Variants in S100PBP observed in about 807,000 individuals in gnomAD.
The protein encoded by S100PBP is S100P-binding protein.
Under a neutral mutation model 39.9 loss-of-function variants are expected in S100PBP, and 15 were observed. That is an observed-to-expected ratio of 0.38 (90% CI 0.25 to 0.58). The LOEUF is 0.58. S100PBP is among the 20% of genes least tolerant of loss of function. The pLI is 0.70. For missense variants in S100PBP, 504 were observed against 487.3 expected (o/e 1.03, Z -0.32); for synonymous variants, 178 against 180.3 (o/e 0.99, Z 0.10).
At chr1:32,841,395 T>C (rs1640089179) in intron 5 of S100PBP, among the ~76,000 whole-genome samples, 1 of 151,998 alleles carries the variant, frequency 6.6e-6, no homozygotes, top group South Asian at 2.1e-4. Context: ...TTCTTGGTAG[T>C]CACTGGTTAT....
chr1:32,836,110 C>T (rs898497340), intron 5 of S100PBP: 4 of 150,598 alleles, frequency 2.7e-5, no homozygotes, highest in Non-Finnish European at 5.9e-5. Flanking sequence ...TTTCCCCATC[C>T]TTGCCAGCAC....
intron 1 of S100PBP, 198 bp downstream of exon 1, chr1:32,817,887 CGGCG>C (rs962715468): frequency 3.9e-5 from 6 of 153,732 alleles, no homozygotes; most frequent in African/African-American, 1.4e-4. Flanking sequence ...ACCTCCAAGT[CGGCG>C]GGCGACAGAT....
chr1:32,840,963 G>C (rs957991258), intron 5 of S100PBP, among the ~76,000 whole-genome samples: 6 of 151,482 alleles, frequency 4.0e-5, no homozygotes, highest in Non-Finnish European at 7.4e-5. Context: ...GATTGAGGCC[G>C]TCCTGGCTAA....
chr1:32,818,251 C>G (rs1638851606), intron 1 of S100PBP: 1 of 152,314 alleles, frequency 6.6e-6, no homozygotes, highest in Admixed American at 6.5e-5. Flanking sequence ...TCGCGGTGTC[C>G]CCGGGGGAGG....
chr1:32,817,981 A>G (rs1186689688), intron 1 of S100PBP: 2 of 152,444 alleles, frequency 1.3e-5, no homozygotes, highest in African/African-American at 4.8e-5. Context: ...TCCCCTGCCC[A>G]GTGGGGGTGG....
intron 5 of S100PBP, among the ~76,000 whole-genome samples, chr1:32,844,835 A>T (rs1177863171): frequency 4.6e-5 from 7 of 151,150 alleles, no homozygotes; most frequent in Admixed American, 4.6e-4. Flanking sequence ...CTATATATAT[A>T]TATCTTTTTT....
rs950518785 is a variant in S100PBP, at chr1:32,825,340, G to A, written c.-92G>A. The A allele has an allele frequency of 6.6e-6, 1 of 152,188 alleles. No individual in the cohort carries two copies. The highest frequency in any genetic ancestry group is 2.4e-5 in the African/African-American group (1 of 41,432). The allele number at this position is 152,188 out of a possible 1,614,324, so 9.4% of individuals were successfully genotyped here. On this transcript the variant is annotated 5_prime_UTR_variant, in exon 2 of 7. Coordinates refer to ENST00000373475, the MANE Select transcript of S100PBP (RefSeq NM_022753.4). The stretch of plus-strand genomic sequence containing the variant: ...AGGTGGGAGTCAATCATTTTGACAA[G>A]TCTCCTGAAAGGAACAGCTAGCAGG...
upstream of S100PBP, chr1:32,817,606 G>C (rs1316995229): frequency 2.6e-6 from 1 of 389,474 alleles, no homozygotes; most frequent in Non-Finnish European, 4.8e-6. Flanking sequence ...CGGGGTAGGG[G>C]AGGTCGGGGA....
chr1:32,853,832 G>A (rs1392985730), intron 6 of S100PBP, among the ~76,000 whole-genome samples: 2 of 152,160 alleles, frequency 1.3e-5, no homozygotes, highest in African/African-American at 4.8e-5. Context: ...GCTTGAGGCT[G>A]TGATGAGCAA....
intron 5 of S100PBP, chr1:32,843,168 G>C (rs1318316844): frequency 1.3e-5 from 2 of 152,104 alleles, no homozygotes; most frequent in Non-Finnish European, 2.9e-5. Context: ...CTTTTTAATA[G>C]ATTTCATCAG....
intron 5 of S100PBP, among the ~76,000 whole-genome samples, chr1:32,838,157 C>T (rs535844985): frequency 4.4e-4 from 67 of 151,560 alleles, no homozygotes; most frequent in Non-Finnish European, 7.4e-4. Flanking sequence ...CTGGCTAACA[C>T]GGTGAAACTC....
intron 5 of S100PBP, among the ~76,000 whole-genome samples, chr1:32,830,655 G>A (rs763293134): frequency 9.2e-5 from 14 of 152,170 alleles, no homozygotes; most frequent in Non-Finnish European, 5.9e-5. Flanking sequence ...CTGAACTATT[G>A]GCTGATGGGA....
At chr1:32,838,350 A>AG (rs1477149703) in intron 5 of S100PBP, among the ~76,000 whole-genome samples, 5 of 150,650 alleles carry the variant, frequency 3.3e-5, no homozygotes, top group Non-Finnish European at 7.4e-5. Flanking sequence ...AAAAAAAAAA[A>AG]AAAGAAAAGA....
chr1:32,817,685 C>T lies in S100PBP; in HGVS notation c.-124C>T, dbSNP rs1483819380. ...TTCGCCCAGGCTTTGGCCCGGCTTC[C>T]GGAGGTGAAGAGCGGGAGGGACGAG... On this transcript the variant is annotated 5_prime_UTR_variant, in exon 1 of 7. Transcript: ENST00000373475. 1.8e-5 allele frequency: 4 copies of T among 218,360 alleles called. No individual in the cohort carries two copies. Among genetic ancestry groups the T allele is most frequent in the Admixed American group, 1.0e-4 (2 of 19,288 alleles). 13.5% of individuals were successfully genotyped at this position (218,360 alleles called of 1,614,324 possible).
At chr1:32,842,606 T>C (rs1461126117) in intron 5 of S100PBP, among the ~76,000 whole-genome samples, 1 of 152,126 alleles carries the variant, frequency 6.6e-6, no homozygotes, top group Non-Finnish European at 1.5e-5. Flanking sequence ...TTTTATTTTA[T>C]TTTTTTGAGA....
intron 5 of S100PBP, 124 bp from the exon 6 acceptor site, chr1:32,852,955 A>T: frequency 1.5e-6 from 1 of 649,600 alleles, no homozygotes; most frequent in Non-Finnish European, 2.8e-6. Context: ...ACTGCTTGTG[A>T]TAATTGTAAG....
chr1:32,851,750 G>A (rs1389680405), intron 5 of S100PBP, among the ~76,000 whole-genome samples: 1 of 152,106 alleles, frequency 6.6e-6, no homozygotes, highest in Non-Finnish European at 1.5e-5. Flanking sequence ...TGCTTGAAAT[G>A]CAAATTCTCA....
intron 1 of S100PBP, among the ~76,000 whole-genome samples, chr1:32,822,799 G>A (rs971481995): frequency 1.3e-5 from 2 of 151,998 alleles, no homozygotes; most frequent in Non-Finnish European, 2.9e-5. Flanking sequence ...TTTTGCATCT[G>A]AATGTCATGT....
intron 3 of S100PBP, among the ~76,000 whole-genome samples, chr1:32,827,368 C>T (rs892471608): frequency 2.0e-5 from 3 of 152,140 alleles, no homozygotes; most frequent in African/African-American, 4.8e-5. Flanking sequence ...TATTAAGATA[C>T]AGCACTAGCT....
Sources: allele counts gnomAD v4.1 joint callset (sites outside exome capture counted in the v4.1 genomes callset), GRCh38; gene constraint gnomAD v4.1.1; transcripts MANE v1.5; gene names NCBI Gene and HGNC (gene_info 2026-07-23, HGNC 2026-07-21).